RREB1: variants seen among roughly 807,000 people sequenced by gnomAD.
RREB1 encodes the protein ras responsive element binding protein 1.
In RREB1, 27 loss-of-function variants were observed where a neutral mutation model predicts 117.8. The ratio of observed to expected loss-of-function variants is 0.23; its 90% CI spans 0.17 to 0.32. RREB1 has a LOEUF of 0.32. RREB1 is among the 10% of genes least tolerant of loss of function. The pLI, the probability that RREB1 is intolerant of heterozygous loss-of-function variation, is 1.00. For missense variants in RREB1, 2,577 were observed against 2,378.2 expected (o/e 1.08, Z -1.74); for synonymous variants, 1,298 against 1,026.7 (o/e 1.26, Z -5.05).
At chr6:7,121,528 C>G (rs1581410055) in intron 1 of RREB1, among the ~76,000 whole-genome samples, 1 of 152,100 alleles carries the variant, frequency 6.6e-6, no homozygotes, top group Non-Finnish European at 1.5e-5. Context: ...GACCTGTAAT[C>G]TGTGTGAAAA....
In RREB1 at chr6:7,210,813, G is replaced by A. The variant is rs1198804492; in HGVS notation, c.435G>A (p.Lys145=). ...TTNGNMHRHM[K]IHEKDPNSAT... is the part of the protein sequence containing the mutation. ...TGTTTGTTCTTTTCAGACATATGAA[G>A]ATCCATGAGAAGGACCCTAACAGTG... Residue 145 remains lysine, a synonymous_variant, in exon 7 of 13, where the codon AAG becomes AAA. Coordinates refer to ENST00000379938, the MANE Select transcript of RREB1 (RefSeq NM_001003699.4). The A allele has an allele frequency of 6.2e-7, 1 of 1,613,018 alleles. No individual in the cohort carries two copies. The highest frequency in any genetic ancestry group is 8.5e-7 in the Non-Finnish European group (1 of 1,179,434).
In RREB1 at chr6:7,230,748, G is replaced by T; in HGVS notation, c.2649G>T (p.Ser883=). 1 of 1,608,720 alleles carries T rather than the reference G, an allele frequency of 6.2e-7. No homozygotes were observed. ...GPTQPPPPHV[S]IKLEPASSFA... ...CCCAGCCTCCACCTCCCCATGTCTC[G>T]ATCAAGTTGGAGCCCGCCAGTAGCT... is the stretch of plus-strand genomic sequence containing the variant. Residue 883 remains serine, a synonymous_variant, in exon 10 of 13, where the codon TCG becomes TCT. Transcript: ENST00000379938.
chr6:7,134,185 T>C (rs934945454), intron 1 of RREB1, among the ~76,000 whole-genome samples: 1 of 152,226 alleles, frequency 6.6e-6, no homozygotes, highest in Non-Finnish European at 1.5e-5. Flanking sequence ...CATCAGAAAT[T>C]TATTTTAAAG....
chr6:7,172,462 G>A (rs1764261346), intron 1 of RREB1, among the ~76,000 whole-genome samples: 1 of 151,416 alleles, frequency 6.6e-6, no homozygotes, highest in Non-Finnish European at 1.5e-5. Flanking sequence ...TGCCCAGGCT[G>A]GTCTTGAACT....
Position 7,249,290 on chromosome 6 carries a change from A to C in RREB1, c.*322A>C. 1 of 311,440 alleles carries C rather than the reference A, an allele frequency of 3.2e-6. No individual in the cohort carries two copies. Among genetic ancestry groups the C allele is most frequent in the Admixed American group, 4.6e-5 (1 of 21,932 alleles). 19.3% of individuals were successfully genotyped at this position (311,440 alleles called of 1,614,324 possible). ...TATTATAATGAATTGTCTGGAGAGGACCTCTTCATTTGAGCATTAGCGTTA... is the reference window on the plus strand; with the variant it reads ...TATTATAATGAATTGTCTGGAGAGGCCCTCTTCATTTGAGCATTAGCGTTA... On this transcript the variant is annotated 3_prime_UTR_variant, in exon 13 of 13. Coordinates refer to ENST00000379938, the MANE Select transcript of RREB1 (RefSeq NM_001003699.4).
chr6:7,138,964 A>T (rs1318119604), intron 1 of RREB1, among the ~76,000 whole-genome samples: 1 of 152,124 alleles, frequency 6.6e-6, no homozygotes, highest in Non-Finnish European at 1.5e-5. Context: ...AACCTTACTC[A>T]CTTTTGTGTA....
intron 1 of RREB1, among the ~76,000 whole-genome samples, chr6:7,109,397 AGC>A (rs1168324326): frequency 6.6e-6 from 1 of 151,298 alleles, no homozygotes; most frequent in Non-Finnish European, 1.5e-5. Context: ...CTCCCTGGGA[AGC>A]GGCGTGTTTT....
chr6:7,211,329 T>C (rs1425720118), intron 7 of RREB1, among the ~76,000 whole-genome samples: 1 of 133,360 alleles, frequency 7.5e-6, no homozygotes, highest in South Asian at 2.4e-4. Context: ...GGTGGATGGA[T>C]GGATGGACAG....
intron 1 of RREB1, among the ~76,000 whole-genome samples, chr6:7,141,757 T>C (rs1217395318): frequency 3.3e-5 from 5 of 152,208 alleles, no homozygotes; most frequent in Non-Finnish European, 7.3e-5. Context: ...TGCAGACACT[T>C]GCCTGCGGCA....
At chr6:7,140,012 AAG>A (rs1449458289) in intron 1 of RREB1, among the ~76,000 whole-genome samples, 19 of 152,352 alleles carry the variant, frequency 1.2e-4, no homozygotes, top group Middle Eastern at 3.4e-3. Flanking sequence ...ATGGTTAGCA[AAG>A]AGAGTGTACT....
chr6:7,228,906 G>A (rs941349165), intron 9 of RREB1, 91 bp from the exon 10 acceptor site: 78 of 1,215,852 alleles, frequency 6.4e-5, no homozygotes, highest in Non-Finnish European at 8.1e-5. Context: ...TGGGATAAAT[G>A]TACAACAAAT....
chr6:7,120,166 C>G (rs1031794572), intron 1 of RREB1, among the ~76,000 whole-genome samples: 2 of 151,118 alleles, frequency 1.3e-5, no homozygotes, highest in Admixed American at 6.6e-5. Flanking sequence ...AATTATGTAC[C>G]TAGGCCGGGC....
chr6:7,155,368 A>G (rs527026), intron 1 of RREB1, among the ~76,000 whole-genome samples: 41,193 of 152,158 alleles, frequency 0.27, 7,526 homozygotes, highest in African/African-American at 0.52. Context: ...GTGCAGTGGC[A>G]CGATCTTGGC....
intron 4 of RREB1, chr6:7,184,438 T>C (rs1259638989): frequency 6.6e-6 from 1 of 151,786 alleles, no homozygotes. Flanking sequence ...AAAAAACTTT[T>C]TGCAGAGACG....
At chr6:7,238,398 A>T (rs990689998) in intron 10 of RREB1, among the ~76,000 whole-genome samples, 9 of 152,172 alleles carry the variant, frequency 5.9e-5, no homozygotes, top group African/African-American at 1.9e-4. Context: ...CACCATGCCT[A>T]GCTAATTTTT....
At chr6:7,217,548 A>T (rs1766974019) in intron 8 of RREB1, 1 of 152,108 alleles carries the variant, frequency 6.6e-6, no homozygotes. Context: ...AGCCTGGCAG[A>T]GTGGAACGAA....
intron 8 of RREB1, among the ~76,000 whole-genome samples, chr6:7,226,079 T>G (rs191957237): frequency 2.6e-5 from 4 of 152,318 alleles, no homozygotes; most frequent in Admixed American, 2.6e-4. Context: ...TTACAATAAT[T>G]AGAATCCAGT....
chr6:7,123,431 G>A (rs1761766503), intron 1 of RREB1, among the ~76,000 whole-genome samples: 1 of 152,172 alleles, frequency 6.6e-6, no homozygotes, highest in Non-Finnish European at 1.5e-5. Context: ...CGAAGTGCTA[G>A]GATTACAGGC....
chr6:7,154,438 G>A (rs1383996228), intron 1 of RREB1, among the ~76,000 whole-genome samples: 1 of 152,226 alleles, frequency 6.6e-6, no homozygotes, highest in East Asian at 1.9e-4. Flanking sequence ...CACTGGGGAC[G>A]TGAAGGACTA....
Sources: gnomAD v4.1 joint callset for allele counts (sites outside exome capture counted in the v4.1 genomes callset) on GRCh38, gnomAD v4.1.1 for gene constraint, MANE v1.5 for transcripts, NCBI Gene and HGNC (gene_info 2026-07-23, HGNC 2026-07-21) for gene names.